Variants in LRRC4C observed in about 807,000 individuals in gnomAD.
LRRC4C encodes leucine rich repeat containing 4C.
A neutral mutation model predicts 33.6 loss-of-function variants in LRRC4C; 5 were observed. That is an observed-to-expected ratio of 0.15 (90% CI 0.08 to 0.31). The LOEUF is 0.31. Ranked by LOEUF, LRRC4C falls within the 10% of genes least tolerant of loss-of-function variation. The pLI is 1.00. For missense variants in LRRC4C, 560 were observed against 796.7 expected, an observed-to-expected ratio of 0.70 and a Z score of 3.58; for synonymous variants, 329 against 302.0, an observed-to-expected ratio of 1.09 and a Z score of -0.93.
chr11:41,424,856 G>T (rs1219610470), intron 1 of LRRC4C, among the ~76,000 whole-genome samples: 4 of 150,724 alleles, frequency 2.7e-5, no homozygotes, highest in African/African-American at 7.3e-5. Flanking sequence ...ATTTTTTTTT[G>T]AAAATTTATA....
chr11:41,211,873 A>G (rs945064121), intron 1 of LRRC4C, among the ~76,000 whole-genome samples: 8 of 152,090 alleles, frequency 5.3e-5, no homozygotes, highest in Admixed American at 2.0e-4. Context: ...GTCAAATGGT[A>G]TTTCTAGTTC....
At position 40,317,946 on chromosome 11, in the gene LRRC4C, A is replaced by C. The variant is rs1945658639; in HGVS notation, c.-176+1682T>G. On this transcript the variant is annotated intron_variant, in intron 4 of 6. Transcript: ENST00000528697. Reference sequence around the variant, plus strand: ...TTTCAAAGTGAACACAGGCAGGATCAGAACCTTTATACATGTAACCATACA... The same window carrying C: ...TTTCAAAGTGAACACAGGCAGGATCCGAACCTTTATACATGTAACCATACA... Among the ~76,000 whole-genome samples the C allele has an allele frequency of 1.3e-5, 2 of 152,154 alleles. 1 individual carries two copies. Among genetic ancestry groups the C allele is most frequent in the East Asian group, 3.9e-4 (2 of 5,194 alleles).
chr11:41,138,038 C>T (rs182369924), intron 1 of LRRC4C, among the ~76,000 whole-genome samples: 1 of 152,298 alleles, frequency 6.6e-6, no homozygotes, highest in African/African-American at 2.4e-5. Context: ...ATCACTGGTG[C>T]TCTAGGAAGG....
chr11:40,833,756 T>C (rs1012049596), intron 2 of LRRC4C, among the ~76,000 whole-genome samples: 1 of 143,928 alleles, frequency 6.9e-6, no homozygotes, highest in Non-Finnish European at 1.5e-5. Flanking sequence ...ACTTAAAATG[T>C]AAATGTGTAT....
At chr11:40,912,015 G>C (rs1444508890) in intron 2 of LRRC4C, among the ~76,000 whole-genome samples, 2 of 152,096 alleles carry the variant, frequency 1.3e-5, no homozygotes, top group Admixed American at 1.3e-4. Flanking sequence ...AAAAAGAAAT[G>C]AACAAACCCT....
At chr11:40,623,267 C>A (rs1962627657) in intron 3 of LRRC4C, among the ~76,000 whole-genome samples, 1 of 151,538 alleles carries the variant, frequency 6.6e-6, no homozygotes, top group Non-Finnish European at 1.5e-5. Flanking sequence ...CCTCAAAAAC[C>A]TTTTTTAAAA....
At chr11:41,347,971 G>A (rs561951209) in intron 1 of LRRC4C, among the ~76,000 whole-genome samples, 1 of 152,346 alleles carries the variant, frequency 6.6e-6, no homozygotes, top group East Asian at 1.9e-4. Context: ...TTATGGGATT[G>A]TAGGGTGATT....
At chr11:40,430,510 T>A (rs1265034338) in intron 3 of LRRC4C, among the ~76,000 whole-genome samples, 1 of 152,096 alleles carries the variant, frequency 6.6e-6, no homozygotes, top group African/African-American at 2.4e-5. Context: ...ATTTACATGG[T>A]CAGACGAACC....
intron 1 of LRRC4C, among the ~76,000 whole-genome samples, chr11:41,319,943 A>G (rs1950908082): frequency 2.6e-5 from 4 of 152,322 alleles, no homozygotes; most frequent in Admixed American, 2.6e-4. Context: ...TATAGAAACT[A>G]AAATAAAAGT....
At chr11:41,441,067 CTTCT>C (rs935104177) in intron 1 of LRRC4C, among the ~76,000 whole-genome samples, 1 of 152,124 alleles carries the variant, frequency 6.6e-6, no homozygotes, top group African/African-American at 2.4e-5. Context: ...CACTCTCTTT[CTTCT>C]GTTTTTAAGG....
intron 3 of LRRC4C, among the ~76,000 whole-genome samples, chr11:40,356,158 T>G (rs142474804): frequency 6.6e-6 from 1 of 152,240 alleles, no homozygotes; most frequent in African/African-American, 2.4e-5. Context: ...ATTGTCCAGT[T>G]ATGTGGTCTT....
intron 5 of LRRC4C, among the ~76,000 whole-genome samples, chr11:40,183,999 C>T (rs968523443): frequency 1.3e-5 from 2 of 152,180 alleles, no homozygotes; most frequent in Non-Finnish European, 2.9e-5. Context: ...AAGAATAGAA[C>T]TGAAACTGAA....
chr11:40,652,141 C>T (rs1308694023), intron 2 of LRRC4C, among the ~76,000 whole-genome samples: 1 of 152,168 alleles, frequency 6.6e-6, no homozygotes, highest in Admixed American at 6.5e-5. Context: ...AGGTACTATG[C>T]TAGATGCCAC....
At chr11:40,356,925 T>C (rs1365043327) in intron 3 of LRRC4C, among the ~76,000 whole-genome samples, 1 of 152,168 alleles carries the variant, frequency 6.6e-6, no homozygotes, top group Non-Finnish European at 1.5e-5. Flanking sequence ...TATTGTTCCA[T>C]TGGGCAGACA....
chr11:41,324,017 T>C (rs1421474138), intron 1 of LRRC4C, among the ~76,000 whole-genome samples: 1 of 152,198 alleles, frequency 6.6e-6, no homozygotes, highest in Non-Finnish European at 1.5e-5. Flanking sequence ...TAAACTGTGA[T>C]CTGTGGACCA....
At chr11:41,317,873 GA>G (rs1462448155) in intron 1 of LRRC4C, among the ~76,000 whole-genome samples, 1 of 151,794 alleles carries the variant, frequency 6.6e-6, no homozygotes, top group Non-Finnish European at 1.5e-5. Flanking sequence ...CAATTTCCAG[GA>G]ATTCATCCCA....
At chr11:41,327,270 G>A (rs556463639) in intron 1 of LRRC4C, among the ~76,000 whole-genome samples, 17 of 152,016 alleles carry the variant, frequency 1.1e-4, no homozygotes, top group Non-Finnish European at 2.2e-4. Flanking sequence ...TTGGTGTGTC[G>A]CCGTCTGTCA....
chr11:40,830,015 G>T (rs1230840783), intron 2 of LRRC4C, among the ~76,000 whole-genome samples: 1 of 152,010 alleles, frequency 6.6e-6, no homozygotes, highest in Non-Finnish European at 1.5e-5. Context: ...TAACAGTTGA[G>T]CAGGGTCTTG....
At chr11:40,786,152 C>A (rs1950404498) in intron 2 of LRRC4C, among the ~76,000 whole-genome samples, 1 of 152,124 alleles carries the variant, frequency 6.6e-6, no homozygotes, top group Admixed American at 6.6e-5. Context: ...TTCTCTTTCT[C>A]TTCAATAAGT....
Sources: gnomAD v4.1 joint callset for allele counts (sites outside exome capture counted in the v4.1 genomes callset) on GRCh38, gnomAD v4.1.1 for gene constraint, MANE v1.5 for transcripts, NCBI Gene and HGNC (gene_info 2026-07-23, HGNC 2026-07-21) for gene names.